The following GNAQ variants were observed in gnomAD, a reference collection of about 807,000 sequenced individuals.
GNAQ encodes the protein guanine nucleotide-binding protein G(q) subunit alpha.
In GNAQ, 8 loss-of-function variants were observed where a neutral mutation model predicts 43.9. The observed-to-expected ratio is 0.18, with a 90% CI of 0.11 to 0.33. GNAQ has a LOEUF of 0.33. Among genes scored for constraint, GNAQ ranks in the 10% least tolerant of loss-of-function variants. The pLI, the probability that GNAQ is intolerant of heterozygous loss-of-function variation, is 1.00. For synonymous variants in GNAQ, 155 were observed against 170.7 expected, an observed-to-expected ratio of 0.91 and a Z score of 0.71; for missense variants, 158 against 450.8, an observed-to-expected ratio of 0.35 and a Z score of 5.88.
At chr9:78,004,530 A>G (rs192250394) in intron 1 of GNAQ, among the ~76,000 whole-genome samples, 1 of 151,988 alleles carries the variant, frequency 6.6e-6, no homozygotes, top group Non-Finnish European at 1.5e-5. Flanking sequence ...GCGTGACATC[A>G]TCTCCCAGAG....
chr9:78,029,305 A>G (rs1019045324), intron 1 of GNAQ, among the ~76,000 whole-genome samples: 4 of 152,122 alleles, frequency 2.6e-5, no homozygotes, highest in African/African-American at 4.8e-5. Flanking sequence ...AAAAAAAAAC[A>G]CAATTCTTAA....
intron 5 of GNAQ, among the ~76,000 whole-genome samples, chr9:77,775,468 G>A (rs988004190): frequency 3.5e-5 from 5 of 144,736 alleles, no homozygotes; most frequent in Admixed American, 1.4e-4. Flanking sequence ...GGAGTACAGT[G>A]GCGTGATATC....
At position 78,031,109 on chromosome 9, in the gene GNAQ, GC is replaced by G; in HGVS notation, c.126del (p.Leu43CysfsTer17). On this transcript the variant is annotated frameshift_variant, in exon 1 of 7. Coordinates refer to ENST00000286548, the MANE Select transcript of GNAQ (RefSeq NM_002072.5). LOFTEE classifies it high-confidence loss of function. Reference protein sequence around the residue: ...DKRDARRELKLLLLGTGESGK... With the variant: ...DKRDARRELKXLLLGTGESGK... ...CCCGGACGGTACTCACCGAGCAGCA[GC>G]AGCTTGAGCTCCCGGCGGGCGTCCC... The G allele has an allele frequency of 6.6e-7, 1 of 1,526,566 alleles. No individual in the cohort carries two copies. Among genetic ancestry groups the G allele is most frequent in the Non-Finnish European group, 8.8e-7 (1 of 1,136,954 alleles). 94.6% of individuals were successfully genotyped at this position (1,526,566 alleles called of 1,614,324 possible). A position where few individuals can be genotyped will look rare whatever the true frequency, so the allele number is the denominator to read the frequency against.
intron 2 of GNAQ, among the ~76,000 whole-genome samples, chr9:77,887,966 G>T (rs1828339614): frequency 6.6e-6 from 1 of 152,106 alleles, no homozygotes; most frequent in Non-Finnish European, 1.5e-5. Flanking sequence ...AGTGTAATCG[G>T]GATGCTCCTG....
chr9:77,970,944 A>C (rs572579729), intron 1 of GNAQ, among the ~76,000 whole-genome samples: 9 of 152,184 alleles, frequency 5.9e-5, no homozygotes, highest in Non-Finnish European at 1.2e-4. Context: ...GATAAAGGGG[A>C]TATCACCACC....
chr9:78,022,407 T>A (rs1426721804), intron 1 of GNAQ, among the ~76,000 whole-genome samples: 1 of 152,158 alleles, frequency 6.6e-6, no homozygotes, highest in African/African-American at 2.4e-5. Flanking sequence ...GTTAGTTATG[T>A]GGGAAAAAAA....
At position 77,862,008 on chromosome 9, in the gene GNAQ, TAAA is replaced by T. The variant is rs56145947; in HGVS notation, c.322-46241_322-46239del. ...GGACAGAGCAAGACTCTGTCTGGGG[TAAA>T]AAAAAAAAAAAAAAAAAAAAGAGGT... On this transcript the variant is annotated intron_variant, in intron 2 of 6. Coordinates refer to ENST00000286548, the MANE Select transcript of GNAQ (RefSeq NM_002072.5). Among the ~76,000 whole-genome samples, 220 of 118,086 alleles carry T rather than the reference TAAA, an allele frequency of 1.9e-3. 3 individuals are homozygous for T. Among genetic ancestry groups the T allele is most frequent in the African/African-American group, 5.2e-3 (146 of 28,188 alleles). 77.5% of individuals were successfully genotyped at this position (118,086 alleles called of 152,430 possible).
chr9:77,893,282 C>T (rs1422314508), intron 2 of GNAQ, among the ~76,000 whole-genome samples: 4 of 152,142 alleles, frequency 2.6e-5, no homozygotes, highest in Admixed American at 6.6e-5. Context: ...CTAAGATGTC[C>T]GTGAAAGTGA....
intron 5 of GNAQ, among the ~76,000 whole-genome samples, chr9:77,778,848 G>A (rs1011647997): frequency 6.6e-6 from 1 of 151,886 alleles, no homozygotes; most frequent in Admixed American, 6.6e-5. Context: ...CTTACATAAT[G>A]ATAACGGGGT....
chr9:77,865,979 G>A (rs965273990), intron 2 of GNAQ, among the ~76,000 whole-genome samples: 3 of 152,156 alleles, frequency 2.0e-5, no homozygotes, highest in Non-Finnish European at 4.4e-5. Context: ...CCCTATCCTT[G>A]AAGAACTTAC....
chr9:77,974,217 C>CT (rs1292544389), intron 1 of GNAQ, among the ~76,000 whole-genome samples: 16 of 152,054 alleles, frequency 1.1e-4, no homozygotes, highest in Admixed American at 1.0e-3. Flanking sequence ...GGAGCTGAGG[C>CT]TGGGGCTGAG....
At chr9:77,901,204 T>G (rs1276834534) in intron 2 of GNAQ, among the ~76,000 whole-genome samples, 1 of 152,024 alleles carries the variant, frequency 6.6e-6, no homozygotes, top group Non-Finnish European at 1.5e-5. Context: ...CCACCTGTAT[T>G]CCAAAAACAC....
At chr9:77,999,310 C>T (rs1823615717) in intron 1 of GNAQ, among the ~76,000 whole-genome samples, 4 of 152,116 alleles carry the variant, frequency 2.6e-5, no homozygotes, top group Admixed American at 2.6e-4. Context: ...TATGGCCAGC[C>T]TGGAGGGCTA....
intron 1 of GNAQ, among the ~76,000 whole-genome samples, chr9:77,982,548 TAC>T (rs1371264688): frequency 1.3e-5 from 2 of 151,998 alleles, no homozygotes; most frequent in African/African-American, 2.4e-5. Flanking sequence ...AGAAGTATGA[TAC>T]AAACAAACAT....
At chr9:77,730,165 T>A (rs939223088) in intron 5 of GNAQ, among the ~76,000 whole-genome samples, 2 of 152,228 alleles carry the variant, frequency 1.3e-5, no homozygotes, top group Non-Finnish European at 2.9e-5. Flanking sequence ...ACCTTTTGTT[T>A]TTTCAACTAG....
intron 1 of GNAQ, among the ~76,000 whole-genome samples, chr9:77,958,931 C>A (rs1280585615): frequency 6.6e-6 from 1 of 152,088 alleles, no homozygotes; most frequent in Non-Finnish European, 1.5e-5. Context: ...CTCAGAGGTA[C>A]CCCAAACTGT....
intron 1 of GNAQ, among the ~76,000 whole-genome samples, chr9:77,996,677 CAAA>C (rs3083223): frequency 1.9e-5 from 2 of 105,580 alleles, no homozygotes; most frequent in Non-Finnish European, 3.8e-5. Flanking sequence ...GACTCCATCT[CAAA>C]AAAAAAAAAA....
intron 2 of GNAQ, among the ~76,000 whole-genome samples, chr9:77,884,320 T>C (rs1828265866): frequency 1.3e-5 from 2 of 152,238 alleles, no homozygotes; most frequent in African/African-American, 4.8e-5. Flanking sequence ...AGGACCACTA[T>C]GTGCCAGTTG....
At chr9:77,800,494 A>T (rs1376122067) in intron 3 of GNAQ, among the ~76,000 whole-genome samples, 1 of 152,106 alleles carries the variant, frequency 6.6e-6, no homozygotes, top group African/African-American at 2.4e-5. Context: ...AACACCGCAT[A>T]TTCTCACTCA....
Sources: gnomAD v4.1 joint callset for allele counts (sites outside exome capture counted in the v4.1 genomes callset) on GRCh38, gnomAD v4.1.1 for gene constraint, MANE v1.5 for transcripts, NCBI Gene and HGNC (gene_info 2026-07-23, HGNC 2026-07-21) for gene names.